Variants in ARPC4 observed in about 807,000 individuals in gnomAD.
ARPC4 encodes actin related protein 2/3 complex subunit 4.
A neutral mutation model predicts 22.8 loss-of-function variants in ARPC4; 3 were observed. The ratio of observed to expected loss-of-function variants is 0.13; its 90% CI spans 0.06 to 0.34. The LOEUF (loss-of-function observed/expected upper bound fraction) is 0.34. Among genes scored for constraint, ARPC4 ranks in the 10% least tolerant of loss-of-function variants. The pLI is 1.00. For missense variants in ARPC4, 98 were observed against 211.0 expected (o/e 0.46, Z 3.32); for synonymous variants, 80 against 72.5 (o/e 1.10, Z -0.52).
chr3:9,795,542 G>A lies in ARPC4; in HGVS notation c.4-2117G>A, dbSNP rs1437126210. Among the ~76,000 whole-genome samples the A allele has an allele frequency of 4.6e-5, 7 of 152,032 alleles. 1 individual carries two copies. In the East Asian group the frequency reaches 7.7e-4, roughly 17 times the overall value. The stretch of plus-strand genomic sequence containing the variant: ...CCCCATGATCTTACCTCAGCCTACC[G>A]CTGCAGCCTCATTTAGTGAATCTAA... On this transcript the variant is annotated intron_variant, in intron 1 of 5. Transcript: ENST00000397261.
At chr3:9,797,063 C>T (rs147375866) in intron 1 of ARPC4, among the ~76,000 whole-genome samples, 122 of 146,278 alleles carry the variant, frequency 8.3e-4, no homozygotes, top group African/African-American at 2.8e-3. Context: ...TTTCACATGT[C>T]ATCTTTATAT....
chr3:9,800,775 T>A (rs976260556), intron 3 of ARPC4, among the ~76,000 whole-genome samples: 2 of 152,126 alleles, frequency 1.3e-5, no homozygotes, highest in African/African-American at 4.8e-5. Context: ...AGCACTGTTA[T>A]TAAATGCAGA....
intron 3 of ARPC4, 32 bp downstream of exon 3, chr3:9,800,328 G>GGCCTCTTTCAGTCCTTTCA (rs1361731387): frequency 3.7e-6 from 6 of 1,608,266 alleles, no homozygotes; most frequent in East Asian, 2.2e-5. Context: ...CCCAACGTAA[G>GGCCTCTTTCAGTCCTTTCA]GCCTCTTTCA....
At chr3:9,799,956 G>C (rs2078973951) in intron 2 of ARPC4, 1 of 641,596 alleles carries the variant, frequency 1.6e-6, no homozygotes, top group Middle Eastern at 2.5e-4. Flanking sequence ...CTTGCCCAAG[G>C]AAAGTAACAG....
rs55966635 is a variant in ARPC4 at position 9,806,516 on chromosome 3, CTTTT to C, written c.*319_*322del. ...TTGTAGGATACTGTAACCTTTTTGTCTTTTTTTTTTTTTTTTTTTTTAAACCTCC... is the reference window on the plus strand; with the variant it reads ...TTGTAGGATACTGTAACCTTTTTGTCTTTTTTTTTTTTTTTTTAAACCTCC... On this transcript the variant is annotated 3_prime_UTR_variant, in exon 6 of 6. Transcript: ENST00000397261. The C allele has an allele frequency of 0.019, 4,422 of 230,484 alleles. 16 individuals carry two copies. The highest frequency in any genetic ancestry group is 0.03 in the African/African-American group (1,062 of 35,926). 14.3% of individuals were successfully genotyped at this position (230,484 alleles called of 1,614,324 possible).
chr3:9,804,845 G>A (rs553263430), intron 5 of ARPC4, among the ~76,000 whole-genome samples: 6 of 152,322 alleles, frequency 3.9e-5, no homozygotes, highest in Admixed American at 1.3e-4. Flanking sequence ...GGGTGCACAG[G>A]TCGGCATGGC....
chr3:9,800,154 G>GTA, intron 2 of ARPC4, 31 bp from the exon 3 acceptor site: 2 of 1,610,926 alleles, frequency 1.2e-6, no homozygotes. Context: ...TCCCTCTGTA[G>GTA]TACAAGTACT....
chr3:9,793,456 T>C (rs159143), intron 1 of ARPC4, among the ~76,000 whole-genome samples: 7 of 152,166 alleles, frequency 4.6e-5, no homozygotes, highest in African/African-American at 1.7e-4. Flanking sequence ...CCTCTTAGCC[T>C]CTGAGGCATG....
At chr3:9,803,032 C>T (rs1240200680) in intron 4 of ARPC4, among the ~76,000 whole-genome samples, 5 of 151,926 alleles carry the variant, frequency 3.3e-5, no homozygotes, top group East Asian at 1.9e-4. Flanking sequence ...TACAGGTGCC[C>T]GCCACCATTC....
intron 1 of ARPC4, among the ~76,000 whole-genome samples, chr3:9,796,807 G>C (rs908340659): frequency 6.6e-6 from 1 of 151,978 alleles, no homozygotes; most frequent in South Asian, 2.1e-4. Flanking sequence ...CGGGTGTGGT[G>C]GTGGGCGCCT....
chr3:9,806,837 A>T lies in ARPC4; in HGVS notation c.*622A>T, dbSNP rs1300253218. The T allele has an allele frequency of 6.5e-6, 1 of 153,152 alleles. No homozygotes were observed. The highest frequency in any genetic ancestry group is 1.5e-5 in the Non-Finnish European group (1 of 68,480). The allele number at this position is 153,152 out of a possible 1,614,324, so 9.5% of individuals were successfully genotyped here. On this transcript the variant is annotated 3_prime_UTR_variant, in exon 6 of 6. Coordinates refer to ENST00000397261, the MANE Select transcript of ARPC4 (RefSeq NM_005718.5). ...TTGGTGACCACCAGTCATGCCTAGG[A>T]CCTGGGGCCCAAAAGCCGGGCAACC...
chr3:9,803,774 T>A, intron 4 of ARPC4, 69 bp from the exon 5 acceptor site: 1 of 1,506,090 alleles, frequency 6.6e-7, no homozygotes, highest in East Asian at 2.3e-5. Flanking sequence ...CATGACCAGC[T>A]CAGTTCCCAT....
In ARPC4 at chr3:9,801,702, C is replaced by T. The variant is rs2079013665; in HGVS notation, c.276C>T (p.Arg92=). 1 of 1,610,052 alleles carries T rather than the reference C, an allele frequency of 6.2e-7. No individual in the cohort carries two copies. The highest frequency in any genetic ancestry group is 8.5e-7 in the Non-Finnish European group (1 of 1,177,822). Residue 92 remains arginine, a synonymous_variant, in exon 4 of 6, where the codon CGC becomes CGT. Transcript: ENST00000397261. The part of the protein sequence containing the change: ...IEKILCHKFM[R]FMMMRAENFF... Reference sequence around the variant, plus strand: ...AGATTTTGTGCCACAAGTTCATGCGCTTCATGATGATGCGAGCAGAGAACT... The same window carrying T: ...AGATTTTGTGCCACAAGTTCATGCGTTTCATGATGATGCGAGCAGAGAACT...
rs981941716 is a variant in ARPC4, at chr3:9,793,121, G to C, written c.-1G>C. 3.9e-6 allele frequency: 6 copies of C among 1,543,720 alleles called. No individual in the cohort carries two copies. Among genetic ancestry groups the C allele is most frequent in the African/African-American group, 1.4e-5 (1 of 72,812 alleles). On this transcript the variant is annotated 5_prime_UTR_variant, in exon 1 of 6. Coordinates refer to ENST00000397261, the MANE Select transcript of ARPC4 (RefSeq NM_005718.5). ...GCTTTCCGGCCCAGCCAGCGCCCGCGATGGTGAGAGAGCCGGGCCCCCGGC... is the reference window on the plus strand; with the variant it reads ...GCTTTCCGGCCCAGCCAGCGCCCGCCATGGTGAGAGAGCCGGGCCCCCGGC...
rs55966635 is a variant in ARPC4 at position 9,806,516 on chromosome 3, CT to C, written c.*322del. ...TTGTAGGATACTGTAACCTTTTTGT[CT>C]TTTTTTTTTTTTTTTTTTTTAAACC... is the stretch of plus-strand genomic sequence containing the variant. On this transcript the variant is annotated 3_prime_UTR_variant, in exon 6 of 6. Coordinates refer to ENST00000397261, the MANE Select transcript of ARPC4 (RefSeq NM_005718.5). 0.45 allele frequency: 103,618 copies of C among 231,822 alleles called. 19,409 individuals are homozygous for C. The highest frequency in any genetic ancestry group is 0.51 in the African/African-American group (18,423 of 35,904). The allele number at this position is 231,822 out of a possible 1,614,324, so 14.4% of individuals were successfully genotyped here. A position where few individuals can be genotyped will look rare whatever the true frequency, so the allele number is the denominator to read the frequency against.
chr3:9,804,402 A>G (rs2079068824), intron 5 of ARPC4, among the ~76,000 whole-genome samples: 1 of 152,238 alleles, frequency 6.6e-6, no homozygotes, highest in African/African-American at 2.4e-5. Flanking sequence ...CCACTTCTCA[A>G]ATAGACTTCA....
intron 1 of ARPC4, 23 bp downstream of exon 1, chr3:9,793,147 C>G (rs1180616132): frequency 1.3e-6 from 2 of 1,539,258 alleles, no homozygotes; most frequent in East Asian, 5.0e-5. Flanking sequence ...GGCCCCCGGC[C>G]AGGGACCCCC....
chr3:9,806,097 C>T (rs925727536), intron 5 of ARPC4, 113 bp from the exon 6 acceptor site: 6 of 1,253,124 alleles, frequency 4.8e-6, no homozygotes, highest in South Asian at 3.6e-5. Flanking sequence ...CCCAACTCTG[C>T]CCCTCACAGA....
At chr3:9,796,871 G>A (rs1187762892) in intron 1 of ARPC4, among the ~76,000 whole-genome samples, 1 of 150,568 alleles carries the variant, frequency 6.6e-6, no homozygotes, top group Admixed American at 6.6e-5. Flanking sequence ...AACCCGGGAG[G>A]TGGAGCTTGC....
Sources: allele counts gnomAD v4.1 joint callset (sites outside exome capture counted in the v4.1 genomes callset), GRCh38; gene constraint gnomAD v4.1.1; transcripts MANE v1.5; gene names NCBI Gene and HGNC (gene_info 2026-07-23, HGNC 2026-07-21).